Variants in CALN1 observed in about 807,000 individuals in gnomAD.
CALN1 encodes calcium-binding protein 8.
CALN1 carries 17 observed loss-of-function variants against 30.6 expected under a neutral mutation model. The ratio of observed to expected loss-of-function variants is 0.56; its 90% CI spans 0.38 to 0.83. CALN1 has a LOEUF of 0.83. CALN1 is among the 40% of genes least tolerant of loss of function. The probability of loss-of-function intolerance (pLI) is 0.00; values close to 1 mark genes in which losing one functional copy is unlikely to be tolerated. For synonymous variants in CALN1, 156 were observed against 131.4 expected (o/e 1.19, Z -1.28); for missense variants, 291 against 354.9 (o/e 0.82, Z 1.45).
At chr7:72,394,877 C>CA (rs1181450993) in intron 2 of CALN1, among the ~76,000 whole-genome samples, 2 of 152,030 alleles carry the variant, frequency 1.3e-5, no homozygotes, top group Admixed American at 6.5e-5. Flanking sequence ...GGGCTGGTCT[C>CA]AAACTGCTGG....
At chr7:71,826,032 CAAAAAAAAAAAA>C (rs57512202) in intron 5 of CALN1, among the ~76,000 whole-genome samples, 1 of 43,846 alleles carries the variant, frequency 2.3e-5, no homozygotes. Context: ...GACTCTGTCT[CAAAAAAAAAAAA>C]AAAAAAAAAA....
At chr7:71,978,588 G>A (rs1798226887) in intron 5 of CALN1, among the ~76,000 whole-genome samples, 1 of 152,164 alleles carries the variant, frequency 6.6e-6, no homozygotes, top group African/African-American at 2.4e-5. Flanking sequence ...AAGAACAGTA[G>A]CAGCCTTAGC....
At chr7:71,914,316 G>C (rs1641861739) in intron 5 of CALN1, among the ~76,000 whole-genome samples, 1 of 152,080 alleles carries the variant, frequency 6.6e-6, no homozygotes, top group South Asian at 2.1e-4. Context: ...TTGGTTTTCT[G>C]TTCCTGCGTT....
intron 5 of CALN1, among the ~76,000 whole-genome samples, chr7:71,956,491 C>CT (rs11414863): frequency 0.55 from 76,955 of 140,876 alleles, 21,276 homozygotes; most frequent in African/African-American, 0.61. Context: ...GTTCTGATAA[C>CT]TTTTTTTTTT....
At chr7:71,989,178 C>G (rs1235590645) in intron 5 of CALN1, among the ~76,000 whole-genome samples, 1 of 152,132 alleles carries the variant, frequency 6.6e-6, no homozygotes, top group East Asian at 1.9e-4. Flanking sequence ...TGGCTCATAC[C>G]TCTATTCCCA....
At chr7:71,850,263 TG>T (rs1419655221) in intron 5 of CALN1, among the ~76,000 whole-genome samples, 1 of 152,228 alleles carries the variant, frequency 6.6e-6, no homozygotes, top group Non-Finnish European at 1.5e-5. Flanking sequence ...TCACCCAGGC[TG>T]GAGTGCAGTG....
intron 4 of CALN1, among the ~76,000 whole-genome samples, chr7:72,070,430 A>C (rs891179471): frequency 1.3e-5 from 2 of 152,188 alleles, no homozygotes; most frequent in African/African-American, 4.8e-5. Flanking sequence ...TCTGTTGTTT[A>C]CGGAAACCTC....
chr7:72,178,028 T>G (rs537877481), intron 3 of CALN1, among the ~76,000 whole-genome samples: 1 of 152,190 alleles, frequency 6.6e-6, no homozygotes, highest in Admixed American at 6.5e-5. Flanking sequence ...TGAGGCCTTT[T>G]ATTACCATTA....
chr7:71,960,831 T>A (rs1475284616), intron 5 of CALN1, among the ~76,000 whole-genome samples: 1 of 152,198 alleles, frequency 6.6e-6, no homozygotes, highest in African/African-American at 2.4e-5. Flanking sequence ...ATTTAATTGT[T>A]TTTTGAGACA....
chr7:72,299,932 C>G (rs1799141322), intron 2 of CALN1, among the ~76,000 whole-genome samples: 1 of 152,024 alleles, frequency 6.6e-6, no homozygotes, highest in East Asian at 1.9e-4. Context: ...GAGTCTTGCT[C>G]TGTCACCCAG....
At chr7:71,795,358 C>T (rs914782448) in intron 6 of CALN1, among the ~76,000 whole-genome samples, 1 of 152,122 alleles carries the variant, frequency 6.6e-6, no homozygotes, top group African/African-American at 2.4e-5. Context: ...CCAGCCCAAA[C>T]TTTTCTTTCC....
chr7:72,027,615 G>C (rs1312870452), intron 4 of CALN1, among the ~76,000 whole-genome samples: 2 of 151,896 alleles, frequency 1.3e-5, no homozygotes, highest in Non-Finnish European at 2.9e-5. Flanking sequence ...GGACGCAGAA[G>C]CAGGAAAATC....
chr7:72,272,226 A>G (rs1410860258), intron 3 of CALN1, among the ~76,000 whole-genome samples: 1 of 152,112 alleles, frequency 6.6e-6, no homozygotes, highest in Non-Finnish European at 1.5e-5. Flanking sequence ...TCCCATACTC[A>G]AAATACCCCC....
At chr7:72,494,695 C>CA in the CALN1 span, among the ~76,000 whole-genome samples, 732 of 140,228 alleles carry the variant, frequency 5.2e-3, 2 homozygotes, top group African/African-American at 0.014. Context: ...CCCATCTCTA[C>CA]AAAAAAAAAA....
intron 5 of CALN1, among the ~76,000 whole-genome samples, chr7:71,942,923 A>G (rs2129522970): frequency 6.6e-6 from 1 of 152,192 alleles, no homozygotes; most frequent in South Asian, 2.1e-4. Flanking sequence ...GAAACTCAAA[A>G]GAATGTAACC....
intron 5 of CALN1, among the ~76,000 whole-genome samples, chr7:71,967,385 C>T (rs1165817044): frequency 6.6e-6 from 1 of 151,916 alleles, no homozygotes; most frequent in Non-Finnish European, 1.5e-5. Context: ...AATCCTAGGG[C>T]TTTGGGAAAC....
At chr7:72,320,269 G>A (rs115776905) in intron 2 of CALN1, among the ~76,000 whole-genome samples, 2,339 of 152,292 alleles carry the variant, frequency 0.015, 48 homozygotes, top group African/African-American at 0.053. Flanking sequence ...CCCAGCCTAC[G>A]ACCTTGCAAA....
chr7:72,229,732 T>C (rs1793946196), intron 3 of CALN1, among the ~76,000 whole-genome samples: 1 of 151,680 alleles, frequency 6.6e-6, no homozygotes, highest in South Asian at 2.1e-4. Flanking sequence ...AGTTGAACAA[T>C]GAGAACACAT....
At chr7:72,394,252 G>A (rs866482374) in intron 2 of CALN1, among the ~76,000 whole-genome samples, 14 of 152,138 alleles carry the variant, frequency 9.2e-5, no homozygotes, top group South Asian at 4.2e-4. Context: ...TGGTGTCCTC[G>A]TCCTCAAAAG....
Sources: allele counts gnomAD v4.1 joint callset (sites outside exome capture counted in the v4.1 genomes callset), GRCh38; gene constraint gnomAD v4.1.1; transcripts MANE v1.5; gene names NCBI Gene and HGNC (gene_info 2026-07-23, HGNC 2026-07-21).